The following SLC8A1 variants were observed in gnomAD, a reference collection of about 807,000 sequenced individuals.
SLC8A1 encodes the protein sodium/calcium exchanger 1.
Under a neutral mutation model 68.3 loss-of-function variants are expected in SLC8A1, and 18 were observed. That is an observed-to-expected ratio of 0.26 (90% confidence interval 0.18 to 0.39). SLC8A1 has a LOEUF of 0.39. Among genes scored for constraint, SLC8A1 ranks in the 10% least tolerant of loss-of-function variants. The pLI is 1.00. For synonymous variants in SLC8A1, 475 were observed against 415.5 expected, an observed-to-expected ratio of 1.14 and a Z score of -1.74; for missense variants, 985 against 1,156.7, an observed-to-expected ratio of 0.85 and a Z score of 2.15.
chr2:40,269,495 T>C (rs1423821314), intron 2 of SLC8A1, among the ~76,000 whole-genome samples: 1 of 152,170 alleles, frequency 6.6e-6, no homozygotes, highest in Non-Finnish European at 1.5e-5. Context: ...GGGCAGACAA[T>C]AAAACTGATC....
At chr2:40,296,176 C>A (rs2070342287) in intron 2 of SLC8A1, among the ~76,000 whole-genome samples, 1 of 152,108 alleles carries the variant, frequency 6.6e-6, no homozygotes, top group Non-Finnish European at 1.5e-5. Context: ...GTTAGTACTC[C>A]TTCTGTAGCA....
intron 2 of SLC8A1, among the ~76,000 whole-genome samples, chr2:40,329,344 C>T (rs1024598374): frequency 1.3e-5 from 2 of 152,144 alleles, no homozygotes; most frequent in African/African-American, 4.8e-5. Flanking sequence ...TTCTTGCTGC[C>T]TGTGCAACTA....
At chr2:40,211,798 A>G (rs444504) in intron 2 of SLC8A1, among the ~76,000 whole-genome samples, 21,495 of 152,180 alleles carry the variant, frequency 0.14, 1,901 homozygotes, top group African/African-American at 0.23. Context: ...GTCCTCTTTT[A>G]TTTCATGGGA....
chr2:40,402,551 T>G (rs762331746), intron 2 of SLC8A1, among the ~76,000 whole-genome samples: 12 of 152,218 alleles, frequency 7.9e-5, no homozygotes, highest in Non-Finnish European at 1.5e-4. Flanking sequence ...GGGTCTGGAT[T>G]AGGACCCCTT....
At chr2:40,102,903 G>C (rs999862629) in exon 8 of SLC8A1, 2 of 152,160 alleles carry the variant, frequency 1.3e-5, no homozygotes, top group African/African-American at 4.8e-5. Context: ...TTTATAATGA[G>C]AGAAGGAAAA....
chr2:40,510,226 G>C (rs1043516497), intron 1 of SLC8A1, among the ~76,000 whole-genome samples: 7 of 152,074 alleles, frequency 4.6e-5, no homozygotes, highest in African/African-American at 1.4e-4. Flanking sequence ...TAGATGTATA[G>C]TCATCACTAA....
At chr2:40,406,872 C>G (rs1690524329) in intron 2 of SLC8A1, among the ~76,000 whole-genome samples, 1 of 152,154 alleles carries the variant, frequency 6.6e-6, no homozygotes, top group Admixed American at 6.5e-5. Flanking sequence ...ATGCATTCCC[C>G]CTATCTACGT....
chr2:40,179,625 C>T (rs752823171), intron 2 of SLC8A1, among the ~76,000 whole-genome samples: 2 of 152,154 alleles, frequency 1.3e-5, no homozygotes, highest in Non-Finnish European at 2.9e-5. Flanking sequence ...GTTTTTGAAA[C>T]AATGAGTGTT....
chr2:40,256,580 C>G (rs2063956397), intron 2 of SLC8A1, among the ~76,000 whole-genome samples: 1 of 152,138 alleles, frequency 6.6e-6, no homozygotes, highest in Non-Finnish European at 1.5e-5. Flanking sequence ...TATTCGTTCC[C>G]TTTTGGACAC....
At chr2:40,107,961 T>C (rs1392282199) in exon 8 of SLC8A1, 1 of 152,212 alleles carries the variant, frequency 6.6e-6, no homozygotes, top group Non-Finnish European at 1.5e-5. Context: ...GTATTTACTG[T>C]ACATTAGAAA....
chr2:40,177,944 G>T, intron 2 of SLC8A1: 2 of 846,690 alleles, frequency 2.4e-6, no homozygotes, highest in Non-Finnish European at 3.9e-6. Context: ...TTACTGTGAT[G>T]TTATGGAGGG....
At chr2:40,417,895 A>ACACACACACACACACACACACAC (rs1559598725) in intron 2 of SLC8A1, among the ~76,000 whole-genome samples, 3 of 151,868 alleles carry the variant, frequency 2.0e-5, no homozygotes, top group African/African-American at 4.8e-5. Flanking sequence ...ACACACACAC[A>ACACACACACACACACACACACAC]AGGTAAACGC....
chr2:40,328,161 C>T (rs1575441327), intron 2 of SLC8A1, among the ~76,000 whole-genome samples: 2 of 151,816 alleles, frequency 1.3e-5, no homozygotes, highest in South Asian at 2.1e-4. Flanking sequence ...CTATTCAGGT[C>T]GATAAATAGA....
intron 2 of SLC8A1, among the ~76,000 whole-genome samples, chr2:40,228,824 G>T (rs906356304): frequency 1.3e-5 from 2 of 152,140 alleles, no homozygotes; most frequent in Non-Finnish European, 2.9e-5. Flanking sequence ...CAGGGGTGGA[G>T]GAGGGTGGAA....
chr2:40,406,091 T>C (rs1446657220), intron 2 of SLC8A1, among the ~76,000 whole-genome samples: 1 of 152,208 alleles, frequency 6.6e-6, no homozygotes, highest in African/African-American at 2.4e-5. Flanking sequence ...GCAGTTAATA[T>C]TGGATTCATT....
exon 8 of SLC8A1, chr2:40,102,243 T>C (rs1403687037): frequency 6.6e-6 from 1 of 152,184 alleles, no homozygotes; most frequent in Non-Finnish European, 1.5e-5. Context: ...ATTTTAGTAA[T>C]AGCGTTAAAA....
chr2:40,178,379 TC>T lies in SLC8A1; in HGVS notation c.1809-525del. 6.2e-7 allele frequency: 1 copy of T among 1,611,364 alleles called. No homozygotes were observed. Among genetic ancestry groups the T allele is most frequent in the Non-Finnish European group, 8.5e-7 (1 of 1,177,802 alleles). ...CTGTTGGGCTCAGCCCTGGAGCAGC[TC>T]CCCCACCTTTCTTCTCACTCATCTC... On this transcript the variant is annotated intron_variant, in intron 2 of 7. Transcript: ENST00000406785.
At chr2:40,267,839 T>C (rs934204795) in intron 2 of SLC8A1, among the ~76,000 whole-genome samples, 5 of 152,194 alleles carry the variant, frequency 3.3e-5, no homozygotes, top group African/African-American at 1.2e-4. Context: ...GGAACTGTTT[T>C]GCAGAGAGTC....
chr2:40,103,143 T>A (rs2033997173), exon 8 of SLC8A1: 1 of 152,206 alleles, frequency 6.6e-6, no homozygotes, highest in Admixed American at 6.5e-5. Flanking sequence ...CCGTTTCCAA[T>A]GACATTCTAA....
Sources: gnomAD v4.1 joint callset for allele counts (sites outside exome capture counted in the v4.1 genomes callset) on GRCh38, gnomAD v4.1.1 for gene constraint, MANE v1.5 for transcripts, NCBI Gene and HGNC (gene_info 2026-07-23, HGNC 2026-07-21) for gene names.